The following NR6A1 variants were observed in gnomAD, a reference collection of about 807,000 sequenced individuals.
NR6A1 encodes the protein nuclear receptor subfamily 6 group A member 1.
Under a neutral mutation model 59.1 loss-of-function variants are expected in NR6A1, and 7 were observed. The observed-to-expected ratio is 0.12, with a 90% CI of 0.07 to 0.22. The LOEUF is 0.22. NR6A1 is among the 10% of genes least tolerant of loss of function. The pLI, the probability that NR6A1 is intolerant of heterozygous loss-of-function variation, is 1.00. For synonymous variants in NR6A1, 243 were observed against 236.1 expected, an observed-to-expected ratio of 1.03 and a Z score of -0.27; for missense variants, 468 against 611.6, an observed-to-expected ratio of 0.77 and a Z score of 2.48.
intron 2 of NR6A1, among the ~76,000 whole-genome samples, chr9:124,650,697 C>T (rs1276386295): frequency 6.6e-6 from 1 of 152,124 alleles, no homozygotes; most frequent in African/African-American, 2.4e-5. Context: ...ATCACATGTA[C>T]CCTATAAATA....
chr9:124,573,645 C>T (rs1054039048), intron 2 of NR6A1, among the ~76,000 whole-genome samples: 4 of 152,098 alleles, frequency 2.6e-5, no homozygotes, highest in African/African-American at 7.2e-5. Context: ...TTTTTATGTC[C>T]GAGTTCTTTT....
At chr9:124,710,581 C>A (rs1734793609) in intron 2 of NR6A1, among the ~76,000 whole-genome samples, 1 of 152,230 alleles carries the variant, frequency 6.6e-6, no homozygotes, top group African/African-American at 2.4e-5. Flanking sequence ...TATAAAGGAT[C>A]TTCCTGGTGA....
intron 2 of NR6A1, among the ~76,000 whole-genome samples, chr9:124,718,803 CTTTTTTTTTTT>C (rs11316308): frequency 9.1e-4 from 59 of 64,570 alleles, no homozygotes; most frequent in African/African-American, 3.1e-3. Flanking sequence ...AAATTGTTAC[CTTTTTTTTTTT>C]TTTTTTTTTT....
chr9:124,591,438 C>A (rs1206623612), intron 2 of NR6A1, among the ~76,000 whole-genome samples: 2 of 152,208 alleles, frequency 1.3e-5, no homozygotes, highest in Non-Finnish European at 2.9e-5. Context: ...AAGCCTGTAG[C>A]AAAGCCATAT....
intron 2 of NR6A1, chr9:124,598,560 A>T (rs1479838713): frequency 3.9e-6 from 1 of 254,408 alleles, no homozygotes; most frequent in African/African-American, 2.3e-5. Flanking sequence ...CCAAATTATT[A>T]TTTTTAAATT....
At chr9:124,617,024 T>C (rs1835914604) in intron 2 of NR6A1, among the ~76,000 whole-genome samples, 2 of 152,306 alleles carry the variant, frequency 1.3e-5, no homozygotes, top group South Asian at 4.1e-4. Context: ...ATAAGGCACA[T>C]TTATTACAAT....
chr9:124,524,992 A>G (rs907887563), intron 8 of NR6A1, 119 bp from the exon 9 acceptor site: 3 of 1,143,460 alleles, frequency 2.6e-6, no homozygotes, highest in African/African-American at 3.2e-5. Context: ...AAACATTGTC[A>G]CAACAGGAGA....
At chr9:124,661,700 C>T (rs1837440328) in intron 2 of NR6A1, among the ~76,000 whole-genome samples, 1 of 152,194 alleles carries the variant, frequency 6.6e-6, no homozygotes, top group African/African-American at 2.4e-5. Context: ...ACTATTATTA[C>T]TCACCAAACA....
At chr9:124,529,359 G>A (rs1348551296) in intron 7 of NR6A1, among the ~76,000 whole-genome samples, 1 of 152,136 alleles carries the variant, frequency 6.6e-6, no homozygotes, top group Non-Finnish European at 1.5e-5. Context: ...TGAAGGCTCA[G>A]GGAGTTATTT....
intron 2 of NR6A1, among the ~76,000 whole-genome samples, chr9:124,624,217 A>G (rs1836168862): frequency 6.6e-6 from 1 of 152,220 alleles, no homozygotes; most frequent in African/African-American, 2.4e-5. Flanking sequence ...TCTCTTTGCA[A>G]AGATTTCCTT....
intron 2 of NR6A1, among the ~76,000 whole-genome samples, chr9:124,670,000 T>G (rs1837740216): frequency 6.6e-6 from 1 of 152,174 alleles, no homozygotes; most frequent in Admixed American, 6.5e-5. Context: ...TCTTATTTGT[T>G]AAAGGGCCAA....
In NR6A1 at chr9:124,685,394, G is replaced by A. The variant is rs75912301; in HGVS notation, c.142+47914C>T. ...GGCTGGAGTGCAGTTGCACAAGCAC[G>A]GCTCACTGCAGCCTTGACCAAGTCT... On this transcript the variant is annotated intron_variant, in intron 2 of 9. Transcript: ENST00000487099. Among the ~76,000 whole-genome samples, 95 of 152,270 alleles carry A rather than the reference G, an allele frequency of 6.2e-4. 1 individual carries two copies. The South Asian group carries it at 0.018, about 29-fold the overall frequency.
At chr9:124,545,512 T>C (rs1818653891) in intron 3 of NR6A1, among the ~76,000 whole-genome samples, 1 of 152,246 alleles carries the variant, frequency 6.6e-6, no homozygotes, top group African/African-American at 2.4e-5. Flanking sequence ...GCTTGTTGGC[T>C]GGGAGGTCTC....
intron 2 of NR6A1, among the ~76,000 whole-genome samples, chr9:124,732,664 T>C (rs906624311): frequency 6.6e-6 from 1 of 152,188 alleles, no homozygotes; most frequent in Non-Finnish European, 1.5e-5. Context: ...TTTGTGAGTA[T>C]ACAGTTGTCC....
intron 2 of NR6A1, among the ~76,000 whole-genome samples, chr9:124,628,059 C>T (rs186677980): frequency 1.3e-5 from 2 of 152,200 alleles, no homozygotes; most frequent in Middle Eastern, 3.4e-3. Context: ...GACGGAGTCT[C>T]GCTCTGCCGC....
At chr9:124,613,575 C>T (rs555410768) in intron 2 of NR6A1, among the ~76,000 whole-genome samples, 39 of 152,264 alleles carry the variant, frequency 2.6e-4, no homozygotes, top group African/African-American at 8.4e-4. Context: ...GTGGGAGGAT[C>T]GCTTGAGCCT....
intron 2 of NR6A1, among the ~76,000 whole-genome samples, chr9:124,667,512 G>A (rs537337574): frequency 6.6e-6 from 1 of 152,276 alleles, no homozygotes; most frequent in Admixed American, 6.5e-5. Context: ...CTACTTTAAA[G>A]TTGGGATATT....
chr9:124,736,510 T>C (rs1028723054), intron 1 of NR6A1, among the ~76,000 whole-genome samples: 2 of 152,182 alleles, frequency 1.3e-5, no homozygotes, highest in African/African-American at 4.8e-5. Context: ...TTGTTGTAAA[T>C]TGGGATCAAC....
At chr9:124,654,688 CCAGT>C (rs1212243280) in intron 2 of NR6A1, among the ~76,000 whole-genome samples, 1 of 152,112 alleles carries the variant, frequency 6.6e-6, no homozygotes, top group African/African-American at 2.4e-5. Context: ...CCACATCCCA[CCAGT>C]CAGTCATTCT....
Sources: allele counts gnomAD v4.1 joint callset (sites outside exome capture counted in the v4.1 genomes callset), GRCh38; gene constraint gnomAD v4.1.1; transcripts MANE v1.5; gene names NCBI Gene and HGNC (gene_info 2026-07-23, HGNC 2026-07-21).